Variants in DTNB observed in about 807,000 individuals in gnomAD.
DTNB encodes the protein dystrobrevin beta.
DTNB carries 63 observed loss-of-function variants against 90.7 expected under a neutral mutation model. The observed-to-expected ratio is 0.69, with a 90% CI of 0.57 to 0.86. The LOEUF is 0.86. Among genes scored for constraint, DTNB ranks in the 40% least tolerant of loss-of-function variants. DTNB has a pLI of 0.00. For synonymous variants in DTNB, 277 were observed against 286.7 expected (o/e 0.97, Z 0.34); for missense variants, 744 against 807.1 (o/e 0.92, Z 0.95).
chr2:25,388,118 G>A (rs2040032993), intron 17 of DTNB, 84 bp downstream of exon 17: 6 of 1,525,096 alleles, frequency 3.9e-6, no homozygotes, highest in Non-Finnish European at 4.4e-6. Flanking sequence ...GCACAAAACA[G>A]AAATGGAAAA....
intron 8 of DTNB, among the ~76,000 whole-genome samples, chr2:25,541,130 C>G (rs956248144): frequency 9.3e-5 from 14 of 151,334 alleles, no homozygotes; most frequent in Admixed American, 8.6e-4. Flanking sequence ...AAGGTTGAGG[C>G]AAGTTCTACA....
chr2:25,576,598 C>T (rs758449499), intron 8 of DTNB: 12 of 398,258 alleles, frequency 3.0e-5, no homozygotes, highest in Non-Finnish European at 5.2e-5. Flanking sequence ...TTCCATTTTA[C>T]TGAATAAAAG....
intron 2 of DTNB, among the ~76,000 whole-genome samples, chr2:25,645,595 C>T (rs183264855): frequency 2.0e-5 from 3 of 152,118 alleles, no homozygotes; most frequent in Admixed American, 1.3e-4. Context: ...AAACATGCCA[C>T]CACACCTGGC....
chr2:25,388,469 T>C (rs988930502), intron 16 of DTNB, 108 bp from the exon 17 acceptor site: 18 of 1,383,936 alleles, frequency 1.3e-5, no homozygotes, highest in Non-Finnish European at 1.7e-5. Flanking sequence ...GGGCCTCAGT[T>C]CAGTGGTACA....
chr2:25,553,710 A>T (rs892165882), intron 8 of DTNB, among the ~76,000 whole-genome samples: 1 of 148,884 alleles, frequency 6.7e-6, no homozygotes, highest in African/African-American at 2.5e-5. Flanking sequence ...ACTGCACTCC[A>T]GCCTGGACAA....
chr2:25,579,435 G>A (rs1485779658), intron 7 of DTNB, among the ~76,000 whole-genome samples: 1 of 152,188 alleles, frequency 6.6e-6, no homozygotes, highest in Non-Finnish European at 1.5e-5. Flanking sequence ...CTTCCGGGGG[G>A]ATAAAAGTGG....
intron 8 of DTNB, among the ~76,000 whole-genome samples, chr2:25,574,056 C>A (rs545912729): frequency 6.6e-6 from 1 of 152,144 alleles, no homozygotes; most frequent in Non-Finnish European, 1.5e-5. Context: ...TGGAAAGACA[C>A]CTATCATTCT....
chr2:25,423,635 G>A (rs796290442), intron 15 of DTNB, among the ~76,000 whole-genome samples: 17 of 152,084 alleles, frequency 1.1e-4, no homozygotes, highest in African/African-American at 3.9e-4. Flanking sequence ...ATCAATAAAA[G>A]CAGACAACCC....
intron 6 of DTNB, among the ~76,000 whole-genome samples, chr2:25,585,252 C>T (rs185276032): frequency 7.2e-5 from 11 of 152,156 alleles, no homozygotes; most frequent in Middle Eastern, 3.4e-3. Context: ...ATGAATACAT[C>T]ATCTGTTTTT....
intron 1 of DTNB, among the ~76,000 whole-genome samples, chr2:25,655,974 G>T (rs1331609756): frequency 6.6e-6 from 1 of 152,034 alleles, no homozygotes. Flanking sequence ...TTCGCTCCTG[G>T]AGTTTCTCAG....
intron 10 of DTNB, among the ~76,000 whole-genome samples, chr2:25,464,116 C>T (rs2061423961): frequency 6.6e-6 from 1 of 152,196 alleles, no homozygotes. Context: ...GCCATGTTGG[C>T]CAGGCTGGTC....
At chr2:25,567,282 T>C (rs1056267501) in intron 8 of DTNB, among the ~76,000 whole-genome samples, 15 of 152,192 alleles carry the variant, frequency 9.9e-5, no homozygotes, top group African/African-American at 3.6e-4. Flanking sequence ...ATACATATTA[T>C]CTTTCATAAT....
intron 1 of DTNB, among the ~76,000 whole-genome samples, chr2:25,656,298 G>C (rs2082056155): frequency 6.6e-6 from 1 of 152,162 alleles, no homozygotes; most frequent in African/African-American, 2.4e-5. Context: ...CCATGCCAGT[G>C]CTTTAAGTAC....
chr2:25,383,057 G>C (rs1455385265), intron 19 of DTNB, among the ~76,000 whole-genome samples: 1 of 151,980 alleles, frequency 6.6e-6, no homozygotes, highest in African/African-American at 2.4e-5. Flanking sequence ...TTCCCTTCTT[G>C]GTTTTATTCT....
intron 16 of DTNB, among the ~76,000 whole-genome samples, chr2:25,394,235 A>C (rs2041878002): frequency 6.6e-6 from 1 of 152,230 alleles, no homozygotes; most frequent in Non-Finnish European, 1.5e-5. Context: ...CCTTATACAA[A>C]AATCAACTCA....
intron 10 of DTNB, among the ~76,000 whole-genome samples, chr2:25,481,358 T>C (rs1024598817): frequency 6.6e-6 from 1 of 151,496 alleles, no homozygotes. Context: ...TGAGCTAAGA[T>C]TGGGCCACTG....
intron 9 of DTNB, among the ~76,000 whole-genome samples, chr2:25,526,401 T>A (rs1182847693): frequency 2.7e-5 from 3 of 112,698 alleles, no homozygotes; most frequent in African/African-American, 1.2e-4. Flanking sequence ...ATATATTTTT[T>A]TTTTTTTAAT....
intron 13 of DTNB, 148 bp downstream of exon 13, chr2:25,433,762 C>T (rs1484988119): frequency 4.0e-6 from 3 of 759,460 alleles, no homozygotes; most frequent in Non-Finnish European, 6.5e-6. Context: ...GCGTCCAGGG[C>T]ATTCCCTGGA....
intron 9 of DTNB, among the ~76,000 whole-genome samples, chr2:25,487,709 A>C (rs1050209417): frequency 1.3e-5 from 2 of 152,190 alleles, no homozygotes. Context: ...GAATTAAGAG[A>C]ACCCTAGATA....
Sources: gnomAD v4.1 joint callset for allele counts (sites outside exome capture counted in the v4.1 genomes callset) on GRCh38, gnomAD v4.1.1 for gene constraint, MANE v1.5 for transcripts, NCBI Gene and HGNC (gene_info 2026-07-23, HGNC 2026-07-21) for gene names.